MLIP: variants seen among roughly 807,000 people sequenced by gnomAD.
The protein encoded by MLIP is muscular LMNA interacting protein, also known as muscular LMNA-interacting protein.
In MLIP, 79 loss-of-function variants were observed where a neutral mutation model predicts 84.8. The observed-to-expected ratio is 0.93, with a 90% CI of 0.78 to 1.12. The LOEUF (loss-of-function observed/expected upper bound fraction) is 1.12. Ranked by LOEUF, MLIP falls within the 50% of genes most tolerant of loss-of-function variation. The probability of loss-of-function intolerance (pLI) is 0.00; values close to 1 mark genes in which losing one functional copy is unlikely to be tolerated. For synonymous variants in MLIP, 504 were observed against 463.0 expected, an observed-to-expected ratio of 1.09 and a Z score of -1.14; for missense variants, 1,257 against 1,160.6, an observed-to-expected ratio of 1.08 and a Z score of -1.21.
chr6:54,047,400 A>C (rs989165879), intron 1 of MLIP: 40 of 152,224 alleles, frequency 2.6e-4, no homozygotes, highest in African/African-American at 9.6e-4. Flanking sequence ...AATTTAATTT[A>C]TTCCCAGCAG....
intron 11 of MLIP, among the ~76,000 whole-genome samples, chr6:54,213,643 A>T (rs1582520390): frequency 7.3e-6 from 1 of 136,858 alleles, no homozygotes; most frequent in South Asian, 2.6e-4. Flanking sequence ...TGGAGGTTGC[A>T]GTGAGCCAAG....
intron 11 of MLIP, among the ~76,000 whole-genome samples, chr6:54,204,137 C>T (rs1236615792): frequency 6.6e-6 from 1 of 152,008 alleles, no homozygotes; most frequent in Non-Finnish European, 1.5e-5. Context: ...ATTTATAAGT[C>T]TGATTTTTTT....
intron 11 of MLIP, among the ~76,000 whole-genome samples, chr6:54,208,818 G>T (rs556837467): frequency 6.6e-6 from 1 of 152,204 alleles, no homozygotes; most frequent in African/African-American, 2.4e-5. Flanking sequence ...TATTTTTGAT[G>T]AAACTAGTGC....
At chr6:54,104,675 C>T (rs913113331) in intron 1 of MLIP, among the ~76,000 whole-genome samples, 2 of 152,136 alleles carry the variant, frequency 1.3e-5, no homozygotes, top group African/African-American at 4.8e-5. Context: ...CCAGCCAAGA[C>T]CACAAATAGA....
Position 54,137,206 on chromosome 6 carries a change from A to ATT in MLIP, c.1139_1140dup (p.Thr381LeufsTer27). The ATT allele has an allele frequency of 1.3e-6, 2 of 1,535,508 alleles. No individual in the cohort carries two copies. Among genetic ancestry groups the ATT allele is most frequent in the Non-Finnish European group, 1.7e-6 (2 of 1,146,768 alleles). ...ATTCACTCTCTCCGAGCCCCAAACC[A>ATT]TTTACCTCCTCTTTCCACGGCTCTT... On this transcript the variant is annotated frameshift_variant, in exon 4 of 14. Coordinates refer to ENST00000502396, the MANE Select transcript of MLIP (RefSeq NM_001281747.2). LOFTEE classifies it high-confidence loss of function.
chr6:54,032,227 G>T (rs1043756123), intron 1 of MLIP: 1 of 152,040 alleles, frequency 6.6e-6, no homozygotes, highest in African/African-American at 2.4e-5. Flanking sequence ...TATAAAAATG[G>T]TTTTTAGTAT....
chr6:54,149,270 G>A, intron 5 of MLIP, 143 bp downstream of exon 5: 1 of 737,000 alleles, frequency 1.4e-6, no homozygotes, highest in Non-Finnish European at 2.2e-6. Flanking sequence ...AGGATGATGT[G>A]GTGAAAACAT....
intron 9 of MLIP, among the ~76,000 whole-genome samples, chr6:54,173,890 AC>A: frequency 6.9e-6 from 1 of 145,048 alleles, no homozygotes; most frequent in East Asian, 2.0e-4. Flanking sequence ...AGCAACCCCC[AC>A]CATTCCCAGC....
intron 12 of MLIP, among the ~76,000 whole-genome samples, chr6:54,251,938 CATATA>C (rs1316856798): frequency 1.6e-5 from 1 of 62,560 alleles, no homozygotes; most frequent in Non-Finnish European, 2.5e-5. Context: ...TATATTATAA[CATATA>C]ATATATAATA....
At chr6:54,071,543 AT>A (rs559150942) in intron 1 of MLIP, among the ~76,000 whole-genome samples, 7 of 151,974 alleles carry the variant, frequency 4.6e-5, no homozygotes, top group Non-Finnish European at 7.4e-5. Context: ...CCTGTTTAGG[AT>A]TTTTTTTAAA....
chr6:54,227,043 G>T (rs1780623188), intron 11 of MLIP, among the ~76,000 whole-genome samples: 1 of 152,126 alleles, frequency 6.6e-6, no homozygotes, highest in Non-Finnish European at 1.5e-5. Flanking sequence ...ATTAGATCAT[G>T]GGGGCAGATT....
intron 1 of MLIP, among the ~76,000 whole-genome samples, chr6:54,072,024 G>T (rs1025220038): frequency 6.6e-6 from 1 of 152,070 alleles, no homozygotes; most frequent in Non-Finnish European, 1.5e-5. Context: ...TCAGAGAAAC[G>T]GATCATCCTG....
upstream of MLIP, among the ~76,000 whole-genome samples, chr6:54,109,248 A>C (rs1331097045): frequency 6.6e-6 from 1 of 150,796 alleles, no homozygotes. Context: ...ACTTGCCTTT[A>C]TTCTCATTTA....
At chr6:54,238,737 A>C (rs745352639) in intron 12 of MLIP, among the ~76,000 whole-genome samples, 22 of 152,240 alleles carry the variant, frequency 1.4e-4, no homozygotes, top group Non-Finnish European at 3.1e-4. Context: ...AAGCAAAAAT[A>C]GGATCTTTAT....
At chr6:54,034,136 CTT>C in intron 1 of MLIP, among the ~76,000 whole-genome samples, 1 of 152,118 alleles carries the variant, frequency 6.6e-6, no homozygotes, top group African/African-American at 2.4e-5. Flanking sequence ...CTATTATTGT[CTT>C]GTCTTGATTG....
intron 8 of MLIP, among the ~76,000 whole-genome samples, chr6:54,162,544 T>C (rs1475718214): frequency 2.0e-5 from 3 of 151,940 alleles, no homozygotes; most frequent in Non-Finnish European, 4.4e-5. Flanking sequence ...AGGAGGCTGC[T>C]GCAGTCAGGG....
At chr6:54,179,144 A>G (rs545982477) in intron 9 of MLIP, among the ~76,000 whole-genome samples, 1 of 152,318 alleles carries the variant, frequency 6.6e-6, no homozygotes, top group East Asian at 1.9e-4. Flanking sequence ...TTATCATTAT[A>G]TAATGACATT....
chr6:54,216,023 A>G (rs953184718), intron 11 of MLIP: 10 of 383,350 alleles, frequency 2.6e-5, no homozygotes, highest in Middle Eastern at 1.4e-3. Flanking sequence ...TTTAAGGCTG[A>G]ATAATATTTC....
intron 10 of MLIP, among the ~76,000 whole-genome samples, chr6:54,191,098 G>T (rs1422317688): frequency 6.6e-6 from 1 of 151,976 alleles, no homozygotes; most frequent in Non-Finnish European, 1.5e-5. Flanking sequence ...CCCGGCCAAA[G>T]ATTTTCTTAA....
Sources: gnomAD v4.1 joint callset for allele counts (sites outside exome capture counted in the v4.1 genomes callset) on GRCh38, gnomAD v4.1.1 for gene constraint, MANE v1.5 for transcripts, NCBI Gene and HGNC (gene_info 2026-07-23, HGNC 2026-07-21) for gene names.